TTYH3: variants seen among roughly 807,000 people sequenced by gnomAD.
TTYH3 encodes the protein tweety family member 3.
In TTYH3, 23 loss-of-function variants were observed where a neutral mutation model predicts 68.2. The observed-to-expected ratio is 0.34, with a 90% CI of 0.24 to 0.48. The LOEUF (loss-of-function observed/expected upper bound fraction) is 0.48. Ranked by LOEUF, TTYH3 falls within the 20% of genes least tolerant of loss-of-function variation. The probability of loss-of-function intolerance (pLI) is 0.99; values close to 1 mark genes in which losing one functional copy is unlikely to be tolerated. For missense variants in TTYH3, 768 were observed against 727.7 expected (o/e 1.06, Z -0.64); for synonymous variants, 360 against 332.8 (o/e 1.08, Z -0.89).
chr7:2,657,915 T>C (rs967009306), intron 11 of TTYH3, among the ~76,000 whole-genome samples: 1 of 152,166 alleles, frequency 6.6e-6, no homozygotes, highest in Admixed American at 6.5e-5. Context: ...AAGGGTGCAG[T>C]TGGATCCTGC....
intron 1 of TTYH3, among the ~76,000 whole-genome samples, chr7:2,638,677 C>T (rs573227128): frequency 1.3e-5 from 2 of 152,318 alleles, no homozygotes; most frequent in East Asian, 1.9e-4. Flanking sequence ...AGGAGCTCAC[C>T]GTCATGGAAT....
intron 9 of TTYH3, among the ~76,000 whole-genome samples, chr7:2,654,553 C>T (rs751720167): frequency 2.0e-5 from 3 of 152,124 alleles, no homozygotes; most frequent in Admixed American, 6.6e-5. Flanking sequence ...TCCCTCTTGG[C>T]GTTTTTGCAC....
intron 7 of TTYH3, 139 bp downstream of exon 7, chr7:2,650,127 A>C (rs1278604636): frequency 2.5e-6 from 2 of 800,210 alleles, no homozygotes; most frequent in African/African-American, 3.5e-5. Context: ...CCAAGATGCT[A>C]GTGAGCAAAC....
At chr7:2,649,858 C>T (rs1786116440) in intron 6 of TTYH3, 55 bp from the exon 7 acceptor site, 1 of 1,599,120 alleles carries the variant, frequency 6.3e-7, no homozygotes, top group South Asian at 1.1e-5. Flanking sequence ...CCCCCGAGAG[C>T]TTCCCTTTAG....
At chr7:2,649,342 T>C (rs1786095446) in intron 5 of TTYH3, among the ~76,000 whole-genome samples, 1 of 152,108 alleles carries the variant, frequency 6.6e-6, no homozygotes, top group Non-Finnish European at 1.5e-5. Flanking sequence ...CCTCCAGTCC[T>C]GCTTCCAGCT....
chr7:2,661,372 G>C (rs993471511), intron 13 of TTYH3, among the ~76,000 whole-genome samples: 1 of 152,152 alleles, frequency 6.6e-6, no homozygotes, highest in African/African-American at 2.4e-5. Flanking sequence ...AATGCCGCTG[G>C]TGTGGGCATG....
In TTYH3 at chr7:2,644,043, G is replaced by A. The variant is rs533924435; in HGVS notation, c.124-2810G>A. Among the ~76,000 whole-genome samples the A allele has an allele frequency of 5.3e-5, 8 of 152,310 alleles. No individual in the cohort carries two copies. In the East Asian group the frequency reaches 7.7e-4, roughly 15 times the overall value. ...CAAGTGGAGAGCAGAGGGAGGGCTC[G>A]CTGGAGGAGTCTGACCAGCCCGGGG... On this transcript the variant is annotated intron_variant, in intron 1 of 13. Coordinates refer to ENST00000258796, the MANE Select transcript of TTYH3 (RefSeq NM_025250.3).
intron 12 of TTYH3, among the ~76,000 whole-genome samples, 176 bp from the exon 13 acceptor site, chr7:2,658,764 G>C (rs1045231819): frequency 2.6e-5 from 4 of 152,196 alleles, no homozygotes; most frequent in African/African-American, 9.7e-5. Context: ...AAGGTGGGCA[G>C]GGGTCTCTCT....
At chr7:2,660,057 C>T in intron 13 of TTYH3, 2 of 1,278,080 alleles carry the variant, frequency 1.6e-6, no homozygotes, top group East Asian at 5.7e-5. Flanking sequence ...ACCCACCGGT[C>T]CCCCATCCCG....
At position 2,649,908 on chromosome 7, in the gene TTYH3, C is replaced by T. The variant is rs1228902524; in HGVS notation, c.796-5C>T. 1 of 1,613,772 alleles carries T rather than the reference C, an allele frequency of 6.2e-7. No individual in the cohort carries two copies. The highest frequency in any genetic ancestry group is 1.3e-5 in the African/African-American group (1 of 74,906). On this transcript the variant is annotated splice_region_variant and splice_polypyrimidine_tract_variant and intron_variant, in intron 6 of 13. Transcript: ENST00000258796. ...ACCCCTCTTGCTTGCCCACGCCCAC[C>T]TCAGGGCTCCAGCGACTTCTGTGTG...
At chr7:2,657,350 GTGGTGATGATGGTGATGGTGGTGGTGA>G (rs1475225070) in intron 11 of TTYH3, among the ~76,000 whole-genome samples, 2 of 150,756 alleles carry the variant, frequency 1.3e-5, no homozygotes, top group East Asian at 1.9e-4. Context: ...GATGGTGATG[GTGGTGATGATGGTGATGGTGGTGGTGA>G]TGGTGATGAT....
At chr7:2,653,539 C>T (rs1032596643) in intron 9 of TTYH3, among the ~76,000 whole-genome samples, 2 of 152,030 alleles carry the variant, frequency 1.3e-5, no homozygotes, top group Admixed American at 1.3e-4. Context: ...GTTCTGGGCC[C>T]GGGCATTTCT....
intron 1 of TTYH3, among the ~76,000 whole-genome samples, chr7:2,637,496 C>T (rs561505896): frequency 2.0e-5 from 3 of 152,312 alleles, no homozygotes; most frequent in South Asian, 2.1e-4. Flanking sequence ...AGCCCAGCCA[C>T]GTCCGTCCCA....
chr7:2,659,952 G>A (rs1786445757), intron 13 of TTYH3: 1 of 1,303,698 alleles, frequency 7.7e-7, no homozygotes, highest in Non-Finnish European at 1.0e-6. Flanking sequence ...CTATCTGGCT[G>A]CCCTGGACTC....
chr7:2,632,174 G>C lies in TTYH3; in HGVS notation c.19G>C (p.Ala7Pro). 6 of 1,494,316 alleles carry C rather than the reference G, an allele frequency of 4.0e-6. No homozygotes were observed. Among genetic ancestry groups the C allele is most frequent in the Non-Finnish European group, 5.4e-6 (6 of 1,113,776 alleles). 92.6% of individuals were successfully genotyped at this position (1,494,316 alleles called of 1,614,324 possible). A position where few individuals can be genotyped will look rare whatever the true frequency, so the allele number is the denominator to read the frequency against. ...CCCCGCCATGGCCGGGGTCAGCTAC[G>C]CGGCGCCCTGGTGGGTGAGCCTCCT... Reference protein sequence around the residue: MAGVSYAAPWWVSLLHR... With the variant: MAGVSYPAPWWVSLLHR... The change falls in exon 1 of 14, where the codon GCG (alanine) becomes CCG (proline). Residue 7 changes from alanine (A) to proline (P), a missense_variant. Ala to Pro is a conservative substitution (Grantham distance 27). Coordinates refer to ENST00000258796, the MANE Select transcript of TTYH3 (RefSeq NM_025250.3).
intron 6 of TTYH3, 56 bp from the exon 7 acceptor site, chr7:2,649,857 G>T: frequency 6.3e-7 from 1 of 1,597,568 alleles, no homozygotes. Context: ...ACCCCCGAGA[G>T]CTTCCCTTTA....
At position 2,662,131 on chromosome 7, in the gene TTYH3, T is replaced by C; in HGVS notation, c.*392T>C. The C allele has an allele frequency of 2.5e-6, 1 of 400,894 alleles. No homozygotes were observed. Among genetic ancestry groups the C allele is most frequent in the South Asian group, 2.3e-5 (1 of 42,796 alleles). The allele number at this position is 400,894 out of a possible 1,614,324, so 24.8% of individuals were successfully genotyped here. A position where few individuals can be genotyped will look rare whatever the true frequency, so the allele number is the denominator to read the frequency against. The stretch of plus-strand genomic sequence containing the variant: ...GCCCGGCACTTCTGTGGACCCCTTC[T>C]TAGTTCACAGGCACGGCTGGGGCCG... On this transcript the variant is annotated 3_prime_UTR_variant, in exon 14 of 14. Transcript: ENST00000258796.
At chr7:2,639,379 TC>T (rs1785767124) in intron 1 of TTYH3, among the ~76,000 whole-genome samples, 1 of 152,138 alleles carries the variant, frequency 6.6e-6, no homozygotes. Flanking sequence ...AAGAGTGCCC[TC>T]CCCCACCTGT....
intron 1 of TTYH3, among the ~76,000 whole-genome samples, chr7:2,638,216 C>A (rs1478612508): frequency 6.6e-6 from 1 of 152,098 alleles, no homozygotes; most frequent in Non-Finnish European, 1.5e-5. Flanking sequence ...GCCCGGTCCC[C>A]AGGCAGCTGG....
Sources: allele counts gnomAD v4.1 joint callset (sites outside exome capture counted in the v4.1 genomes callset), GRCh38; gene constraint gnomAD v4.1.1; transcripts MANE v1.5; gene names NCBI Gene and HGNC (gene_info 2026-07-23, HGNC 2026-07-21).